The following MIEF1 variants were observed in gnomAD, a reference collection of about 807,000 sequenced individuals.
MIEF1 encodes mitochondrial elongation factor 1, also known as mitochondrial dynamics protein MIEF1.
In MIEF1, 14 loss-of-function variants were observed where a neutral mutation model predicts 35.1. The ratio of observed to expected loss-of-function variants is 0.40; its 90% CI spans 0.26 to 0.62. The LOEUF (loss-of-function observed/expected upper bound fraction) is 0.62, where lower values mean the gene tolerates loss of function less well. Ranked by LOEUF, MIEF1 falls within the 20% of genes least tolerant of loss-of-function variation. MIEF1 has a pLI of 0.43. For missense variants in MIEF1, 542 were observed against 615.4 expected (o/e 0.88, Z 1.26); for synonymous variants, 245 against 254.3 (o/e 0.96, Z 0.35).
upstream of MIEF1, among the ~76,000 whole-genome samples, chr22:39,500,734 G>A (rs1463209641): frequency 1.3e-5 from 2 of 150,802 alleles, no homozygotes; most frequent in South Asian, 4.2e-4. Context: ...TTGTTCTGTC[G>A]CCCAGGCTGG....
chr22:39,507,357 T>C (rs571966542), intron 2 of MIEF1, among the ~76,000 whole-genome samples: 32 of 152,000 alleles, frequency 2.1e-4, no homozygotes, highest in African/African-American at 7.2e-4. Flanking sequence ...GCGATTCTCC[T>C]GCCTCGGCCT....
In MIEF1 at chr22:39,511,382, G is replaced by T. The variant is rs1930325383; in HGVS notation, c.88G>T (p.Val30Leu). 6.2e-7 allele frequency: 1 copy of T among 1,610,764 alleles called. No homozygotes were observed. Among genetic ancestry groups the T allele is most frequent in the Non-Finnish European group, 8.5e-7 (1 of 1,178,048 alleles). ...CTTTGTGCTCTCCAATGCCCGGCTG[G>T]TGCTGGGGGTGGGTGGAGCGGCCAT... is the stretch of plus-strand genomic sequence containing the variant. Reference protein sequence around the residue: ...IDFVLSNARLVLGVGGAAMLG... With the variant: ...IDFVLSNARLLLGVGGAAMLG... The change falls in exon 3 of 6, where the codon GTG becomes TTG. Residue 30 changes from valine to leucine, a missense_variant. Transcript: ENST00000325301.
chr22:39,507,146 T>A (rs879543102), intron 2 of MIEF1, among the ~76,000 whole-genome samples: 8 of 152,306 alleles, frequency 5.3e-5, no homozygotes, highest in Non-Finnish European at 1.0e-4. Context: ...TGTCTGTCTG[T>A]TGAGCTTGTG....
In MIEF1 at chr22:39,517,028, T is replaced by G. The variant is rs1930705219; in HGVS notation, c.*2705T>G. 1 of 152,708 alleles carries G rather than the reference T, an allele frequency of 6.5e-6. No homozygotes were observed. 9.5% of individuals were successfully genotyped at this position (152,708 alleles called of 1,614,324 possible). Reference sequence around the variant, plus strand: ...AACATAGGCAATTGCTTTGAGATTCTTGGATAGAAGAGGACAACATTCTGC... The same window carrying G: ...AACATAGGCAATTGCTTTGAGATTCGTGGATAGAAGAGGACAACATTCTGC... On this transcript the variant is annotated 3_prime_UTR_variant, in exon 6 of 6. Transcript: ENST00000325301.
upstream of MIEF1, among the ~76,000 whole-genome samples, chr22:39,501,460 G>T (rs1299873258): frequency 6.6e-6 from 1 of 152,232 alleles, no homozygotes; most frequent in Non-Finnish European, 1.5e-5. Flanking sequence ...GGTGGAACTG[G>T]AACTAGGAGC....
At chr22:39,512,194 G>T in intron 4 of MIEF1, 38 bp from the exon 5 acceptor site, 1 of 1,598,402 alleles carries the variant, frequency 6.3e-7, no homozygotes. Flanking sequence ...GAGCAGGCAT[G>T]GGCAGAGCTC....
At position 39,514,181 on chromosome 22, in the gene MIEF1, G is replaced by A. The variant is rs772800218; in HGVS notation, c.1250G>A (p.Ser417Asn). 1.9e-6 allele frequency: 3 copies of A among 1,614,230 alleles called. No individual in the cohort carries two copies. Among genetic ancestry groups the A allele is most frequent in the Non-Finnish European group, 2.5e-6 (3 of 1,180,044 alleles). ...RFLQALRGLI[S>N]YLEAGVLPSA... ...CTGCAGGCCTTGAGGGGACTTATCA[G>A]CTACTTAGAGGCTGGAGTCCTGCCC... is the stretch of plus-strand genomic sequence containing the variant. Residue 417 changes from serine to asparagine, a missense_variant, in exon 6 of 6, where the codon AGC (serine) becomes AAC (asparagine). Coordinates refer to ENST00000325301, the MANE Select transcript of MIEF1 (RefSeq NM_019008.6).
At chr22:39,503,766 G>C (rs1488162260) in intron 1 of MIEF1, 1 of 152,778 alleles carries the variant, frequency 6.5e-6, no homozygotes, top group Non-Finnish European at 1.5e-5. Context: ...AAGTGCTGGT[G>C]CCAGGATTCA....
At chr22:39,505,319 G>T (rs1346528250) in intron 2 of MIEF1, among the ~76,000 whole-genome samples, 1 of 152,012 alleles carries the variant, frequency 6.6e-6, no homozygotes, top group Non-Finnish European at 1.5e-5. Context: ...TGAGTAGCTG[G>T]GACGCCAGGC....
At chr22:39,508,608 A>G (rs4820379) in intron 2 of MIEF1, among the ~76,000 whole-genome samples, 60,169 of 152,078 alleles carry the variant, frequency 0.4, 13,129 homozygotes, top group African/African-American at 0.59. Context: ...GCCACTGGAG[A>G]GAGGGTGTCT....
Position 39,514,801 on chromosome 22 carries a change from G to A in MIEF1, c.*478G>A, listed in dbSNP as rs774091213. On this transcript the variant is annotated 3_prime_UTR_variant, in exon 6 of 6. Coordinates refer to ENST00000325301, the MANE Select transcript of MIEF1 (RefSeq NM_019008.6). ...TTTAGTTGAATGCCACTGAAGAGCT[G>A]TGATAGCATGTTTCAAAGCTGAACT... The A allele has an allele frequency of 1.0e-4, 24 of 233,514 alleles. No individual in the cohort carries two copies. The highest frequency in any genetic ancestry group is 1.5e-4 in the Non-Finnish European group (18 of 118,064). The allele number at this position is 233,514 out of a possible 1,614,324, so 14.5% of individuals were successfully genotyped here. A position where few individuals can be genotyped will look rare whatever the true frequency, so the allele number is the denominator to read the frequency against.
chr22:39,515,386 GAGC>G lies in MIEF1; in HGVS notation c.*1065_*1067del, dbSNP rs754748494. The G allele has an allele frequency of 8.1e-5, 58 of 714,142 alleles. No individual in the cohort carries two copies. The highest frequency in any genetic ancestry group is 7.8e-6 in the Non-Finnish European group (3 of 383,210). 44.2% of individuals were successfully genotyped at this position (714,142 alleles called of 1,614,324 possible). A position where few individuals can be genotyped will look rare whatever the true frequency, so the allele number is the denominator to read the frequency against. On this transcript the variant is annotated 3_prime_UTR_variant, in exon 6 of 6. Coordinates refer to ENST00000325301, the MANE Select transcript of MIEF1 (RefSeq NM_019008.6). ...CCTGCTTTTCTAGGATGTGGCCTTA[GAGC>G]AAGAACAGACCCAACAGCCAGCCCT...
chr22:39,517,295 C>A lies in MIEF1; in HGVS notation c.*2972C>A. 1 of 221,808 alleles carries A rather than the reference C, an allele frequency of 4.5e-6. No homozygotes were observed. Among genetic ancestry groups the A allele is most frequent in the Non-Finnish European group, 9.4e-6 (1 of 106,934 alleles). 13.7% of individuals were successfully genotyped at this position (221,808 alleles called of 1,614,324 possible). A position where few individuals can be genotyped will look rare whatever the true frequency, so the allele number is the denominator to read the frequency against. On this transcript the variant is annotated 3_prime_UTR_variant, in exon 6 of 6. Coordinates refer to ENST00000325301, the MANE Select transcript of MIEF1 (RefSeq NM_019008.6). ...GTTTATTTTGGTTCTCCTCTGTTGC[C>A]CTTCCTAAAAAATGAGCTGAAGATG... is the stretch of plus-strand genomic sequence containing the variant.
At chr22:39,506,958 C>T (rs1035002977) in intron 2 of MIEF1, among the ~76,000 whole-genome samples, 1 of 152,208 alleles carries the variant, frequency 6.6e-6, no homozygotes, top group African/African-American at 2.4e-5. Flanking sequence ...TCATCTGGCA[C>T]ATCTGAAACT....
chr22:39,517,696 G>A lies in MIEF1; in HGVS notation c.*3373G>A. 2.2e-6 allele frequency: 1 copy of A among 463,040 alleles called. No individual in the cohort carries two copies. The highest frequency in any genetic ancestry group is 4.5e-6 in the Non-Finnish European group (1 of 222,456). The allele number at this position is 463,040 out of a possible 1,614,324, so 28.7% of individuals were successfully genotyped here. On this transcript the variant is annotated 3_prime_UTR_variant, in exon 6 of 6. Coordinates refer to ENST00000325301, the MANE Select transcript of MIEF1 (RefSeq NM_019008.6). ...CCTTTTGTCTGAAACTCAAGGCCAA[G>A]GAGAATGATAGGAGACTTAGGACAG...
rs150768628 is a variant in MIEF1 at position 39,513,831 on chromosome 22, G to A, written c.900G>A (p.Val300=). ...CCCCAGAAGCCCTCACACTGGAGGT[G>A]CAGTATGAGCGTGACAAACATCTCT... ...APPPEALTLE[V]QYERDKHLFI... The change falls in exon 6 of 6, where the codon GTG becomes GTA. Residue 300 remains valine (V), a synonymous_variant. Coordinates refer to ENST00000325301, the MANE Select transcript of MIEF1 (RefSeq NM_019008.6). 44 of 1,614,106 alleles carry A rather than the reference G, an allele frequency of 2.7e-5. No individual in the cohort carries two copies. The Middle Eastern group carries it at 4.9e-4, about 18-fold the overall frequency.
At chr22:39,510,634 T>C (rs1930279245) in intron 2 of MIEF1, among the ~76,000 whole-genome samples, 1 of 152,202 alleles carries the variant, frequency 6.6e-6, no homozygotes, top group Non-Finnish European at 1.5e-5. Flanking sequence ...TGTGAGGTGA[T>C]GTGATGGCAT....
Position 39,513,579 on chromosome 22 carries a change from A to C in MIEF1, c.648A>C (p.Ser216=), listed in dbSNP as rs768044495. 1 of 1,614,216 alleles carries C rather than the reference A, an allele frequency of 6.2e-7. No individual in the cohort carries two copies. The highest frequency in any genetic ancestry group is 8.5e-7 in the Non-Finnish European group (1 of 1,180,028). Residue 216 remains serine (S), a synonymous_variant, in exon 6 of 6, where the codon TCA becomes TCC. Transcript: ENST00000325301. ...VPLVLEQNLW[S]CIPGEDTIMN... is the part of the protein sequence containing the mutation. ...TTGTGCTGGAGCAGAACCTGTGGTC[A>C]TGTATTCCTGGTGAAGACACCATCA...
chr22:39,512,044 C>T lies in MIEF1; in HGVS notation c.322+18C>T, dbSNP rs1277996527. On this transcript the variant is annotated intron_variant, in intron 4 of 5. Transcript: ENST00000325301. ...CGACACAGGTGAGAAGGGCTGCTGCCCCTCCTGGGACCTCTCTGGACTTTC... is the reference window on the plus strand; with the variant it reads ...CGACACAGGTGAGAAGGGCTGCTGCTCCTCCTGGGACCTCTCTGGACTTTC... 6.2e-7 allele frequency: 1 copy of T among 1,606,072 alleles called. No individual in the cohort carries two copies.
Sources: allele counts gnomAD v4.1 joint callset (sites outside exome capture counted in the v4.1 genomes callset), GRCh38; gene constraint gnomAD v4.1.1; transcripts MANE v1.5; gene names NCBI Gene and HGNC (gene_info 2026-07-23, HGNC 2026-07-21).